SGCG: variants seen among roughly 807,000 people sequenced by gnomAD.
SGCG encodes the protein gamma-sarcoglycan.
In SGCG, 26 loss-of-function variants were observed where a neutral mutation model predicts 29.3. The ratio of observed to expected loss-of-function variants is 0.89; its 90% confidence interval spans 0.65 to 1.23. The LOEUF is 1.23. Ranked by LOEUF, SGCG falls within the 50% of genes most tolerant of loss-of-function variation. The pLI is 0.00. For synonymous variants in SGCG, 145 were observed against 129.7 expected (o/e 1.12, Z -0.80); for missense variants, 353 against 356.0 (o/e 0.99, Z 0.07).
intron 4 of SGCG, among the ~76,000 whole-genome samples, chr13:23,257,094 C>A (rs1290632208): frequency 6.6e-6 from 1 of 152,082 alleles, no homozygotes; most frequent in East Asian, 1.9e-4. Flanking sequence ...AATGGTATCT[C>A]TTTGTGGTTT....
At chr13:23,210,463 G>A (rs111446826) in intron 2 of SGCG, among the ~76,000 whole-genome samples, 5,503 of 152,074 alleles carry the variant, frequency 0.036, 214 homozygotes, top group East Asian at 0.2. Context: ...AGACTGAGGC[G>A]GGCAAATCAC....
chr13:23,269,874 G>GGT (rs1880797716), intron 4 of SGCG, among the ~76,000 whole-genome samples: 1 of 97,510 alleles, frequency 1.0e-5, no homozygotes, highest in Non-Finnish European at 2.4e-5. Context: ...TGTTTTTTTT[G>GGT]TTTTTTTTGT....
chr13:23,196,681 T>C (rs1877525598), intron 1 of SGCG, among the ~76,000 whole-genome samples: 2 of 152,204 alleles, frequency 1.3e-5, no homozygotes, highest in East Asian at 3.8e-4. Context: ...TTGTCCTATC[T>C]TTAAGGCAAA....
intron 2 of SGCG, among the ~76,000 whole-genome samples, chr13:23,228,419 A>G (rs781077597): frequency 3.4e-5 from 5 of 147,876 alleles, no homozygotes; most frequent in Non-Finnish European, 6.0e-5. Context: ...AGGTCATCTT[A>G]TGTCAATTCC....
chr13:23,162,525 C>G, the SGCG span, among the ~76,000 whole-genome samples: 1 of 152,206 alleles, frequency 6.6e-6, no homozygotes, highest in South Asian at 2.1e-4. Context: ...ACTCCGGAGG[C>G]TGAGGCAGAA....
At chr13:23,320,615 G>GGTTTTTT in intron 6 of SGCG, 22 bp from the exon 7 acceptor site, 4 of 710,890 alleles carry the variant, frequency 5.6e-6, no homozygotes, top group South Asian at 2.7e-5. Flanking sequence ...TTTTTTTTTT[G>GGTTTTTT]TGCTTCTTTT....
intron 4 of SGCG, among the ~76,000 whole-genome samples, chr13:23,255,307 T>A (rs954595544): frequency 6.6e-6 from 1 of 152,222 alleles, no homozygotes; most frequent in Non-Finnish European, 1.5e-5. Flanking sequence ...CCTTTTGGAA[T>A]GGCAACATTT....
chr13:23,162,378 G>GCCGA, the SGCG span, among the ~76,000 whole-genome samples: 1 of 152,218 alleles, frequency 6.6e-6, no homozygotes, highest in Non-Finnish European at 1.5e-5. Flanking sequence ...CCTTTGGGAG[G>GCCGA]CCGAGGTGGG....
At chr13:23,281,730 C>T (rs1881312434) in intron 5 of SGCG, among the ~76,000 whole-genome samples, 1 of 152,186 alleles carries the variant, frequency 6.6e-6, no homozygotes, top group Non-Finnish European at 1.5e-5. Flanking sequence ...AGATCCCTTA[C>T]ACATACAGTT....
intron 6 of SGCG, among the ~76,000 whole-genome samples, chr13:23,309,651 T>C (rs1188836180): frequency 6.6e-6 from 1 of 152,190 alleles, no homozygotes; most frequent in East Asian, 1.9e-4. Context: ...TTTTGGTAAA[T>C]ATTAATACCT....
At chr13:23,224,403 G>T (rs1467236963) in intron 2 of SGCG, among the ~76,000 whole-genome samples, 1 of 152,054 alleles carries the variant, frequency 6.6e-6, no homozygotes, top group African/African-American at 2.4e-5. Context: ...CCTCCAGATG[G>T]GGATCTAGTC....
chr13:23,269,856 C>CTT (rs1555242088), intron 4 of SGCG, among the ~76,000 whole-genome samples: 1 of 131,122 alleles, frequency 7.6e-6, no homozygotes, highest in African/African-American at 2.7e-5. Context: ...TTTTGGTTTG[C>CTT]TTTTTTTTGT....
chr13:23,262,109 C>A (rs117330362), intron 4 of SGCG, among the ~76,000 whole-genome samples: 4,235 of 151,870 alleles, frequency 0.028, 83 homozygotes, highest in Non-Finnish European at 0.033. Context: ...GAAGGAAAAA[C>A]AGTCACTAGG....
At chr13:23,190,127 CTATT>C (rs1417782332) in intron 1 of SGCG, among the ~76,000 whole-genome samples, 3 of 151,838 alleles carry the variant, frequency 2.0e-5, no homozygotes, top group African/African-American at 7.3e-5. Context: ...TATAATGGCT[CTATT>C]TAAAATATTT....
At chr13:23,292,119 C>CTTTCTTTT (rs766790049) in intron 5 of SGCG, among the ~76,000 whole-genome samples, 1 of 147,464 alleles carries the variant, frequency 6.8e-6, no homozygotes, top group Non-Finnish European at 1.5e-5. Context: ...ACATTTCTTT[C>CTTTCTTTT]TTTTTTTTGA....
chr13:23,229,911 T>C (rs550487652), intron 2 of SGCG, among the ~76,000 whole-genome samples: 3 of 152,338 alleles, frequency 2.0e-5, no homozygotes, highest in African/African-American at 7.2e-5. Flanking sequence ...GTTTTTATAG[T>C]TTTAGGTTTT....
intron 3 of SGCG, among the ~76,000 whole-genome samples, chr13:23,241,341 G>A (rs1431861180): frequency 7.0e-6 from 1 of 143,708 alleles, no homozygotes; most frequent in East Asian, 2.4e-4. Flanking sequence ...CCATGAACAA[G>A]TATTTGTCAA....
Position 23,270,907 on chromosome 13 carries a change from T to C in SGCG, c.386-8452T>C, listed in dbSNP as rs1880849730. Among the ~76,000 whole-genome samples the C allele has an allele frequency of 2.0e-5, 3 of 152,158 alleles. No homozygotes were observed. The South Asian group carries it at 6.2e-4, about 31-fold the overall frequency. On this transcript the variant is annotated intron_variant, in intron 4 of 7. Transcript: ENST00000218867. ...TAAATTTATCTTTTCTAAGTTGTTA[T>C]CTGAACATCATTTACTTAAAAGTCC... is the stretch of plus-strand genomic sequence containing the variant.
intron 4 of SGCG, among the ~76,000 whole-genome samples, chr13:23,265,005 T>C (rs1254608175): frequency 6.6e-6 from 1 of 152,130 alleles, no homozygotes; most frequent in Non-Finnish European, 1.5e-5. Flanking sequence ...AAAACTCTTC[T>C]GGACAATGAT....
Sources: gnomAD v4.1 joint callset for allele counts (sites outside exome capture counted in the v4.1 genomes callset) on GRCh38, gnomAD v4.1.1 for gene constraint, MANE v1.5 for transcripts, NCBI Gene and HGNC (gene_info 2026-07-23, HGNC 2026-07-21) for gene names.